The following PCSK7 variants were observed in gnomAD, a reference collection of about 807,000 sequenced individuals.
The protein encoded by PCSK7 is lymphoma proprotein convertase.
A neutral mutation model predicts 73.3 loss-of-function variants in PCSK7; 38 were observed. The observed-to-expected ratio is 0.52, with a 90% CI of 0.40 to 0.68. The LOEUF (loss-of-function observed/expected upper bound fraction) is 0.68. Ranked by LOEUF, PCSK7 falls within the 30% of genes least tolerant of loss-of-function variation. The pLI is 0.00. For synonymous variants in PCSK7, 296 were observed against 383.8 expected (o/e 0.77, Z 2.68); for missense variants, 692 against 991.5 (o/e 0.70, Z 4.06).
At position 117,229,863 on chromosome 11, in the gene PCSK7, A is replaced by G. The variant is rs75255545; in HGVS notation, c.-12-7T>C. ...TCGGCATCAGAGCAGTGGACTGCAGACAAAGAAAAAGGATATGGAAGAGAT... is the reference window on the plus strand; with the variant it reads ...TCGGCATCAGAGCAGTGGACTGCAGGCAAAGAAAAAGGATATGGAAGAGAT... On this transcript the variant is annotated splice_polypyrimidine_tract_variant and splice_region_variant and intron_variant, in intron 2 of 16. Coordinates refer to ENST00000320934, the MANE Select transcript of PCSK7 (RefSeq NM_004716.4). 7.3e-4 allele frequency: 1,059 copies of G among 1,459,582 alleles called. 7 individuals carry two copies. The African/African-American group carries it at 0.013, about 18-fold the overall frequency. The allele number at this position is 1,459,582 out of a possible 1,614,324, so 90.4% of individuals were successfully genotyped here.
Position 117,206,738 on chromosome 11 carries a change from T to TGGGCA in PCSK7, c.1936_1940dup (p.Pro648AlafsTer5). The stretch of plus-strand genomic sequence containing the variant: ...CTTCCTCAGGAATTTTCAGCCCCGG[T>TGGGCA]GGGCAGGGCAGGGCGAAGTCATCGT... On this transcript the variant is annotated frameshift_variant, in exon 16 of 17. Coordinates refer to ENST00000320934, the MANE Select transcript of PCSK7 (RefSeq NM_004716.4). LOFTEE classifies it high-confidence loss of function. 1.4e-6 allele frequency: 1 copy of TGGGCA among 704,284 alleles called. No homozygotes were observed. The highest frequency in any genetic ancestry group is 2.7e-5 in the East Asian group (1 of 36,716). The allele number at this position is 704,284 out of a possible 1,614,324, so 43.6% of individuals were successfully genotyped here. A position where few individuals can be genotyped will look rare whatever the true frequency, so the allele number is the denominator to read the frequency against.
At position 117,230,900 on chromosome 11, in the gene PCSK7, G is replaced by A. The variant is rs573180368; in HGVS notation, c.-132-432C>T. The stretch of plus-strand genomic sequence containing the variant: ...AACAGAACAGGCACCAAGGACAAGC[G>A]GGCAACCAGGAGAGAACGAATGATG... On this transcript the variant is annotated intron_variant, in intron 1 of 16. Transcript: ENST00000320934. Among the ~76,000 whole-genome samples, 6 of 152,148 alleles carry A rather than the reference G, an allele frequency of 3.9e-5. No individual in the cohort carries two copies. The South Asian group carries it at 1.0e-3, about 26-fold the overall frequency.
intron 12 of PCSK7, chr11:117,217,928 T>G (rs1165173741): frequency 6.6e-6 from 1 of 152,342 alleles, no homozygotes; most frequent in Non-Finnish European, 1.5e-5. Context: ...CAATCCTGGT[T>G]CATGCTGGCC....
At chr11:117,221,046 T>G (rs918608335) in intron 9 of PCSK7, 21 of 152,392 alleles carry the variant, frequency 1.4e-4, no homozygotes, top group African/African-American at 5.0e-4. Flanking sequence ...GGGCCCTGCC[T>G]AAATCTGCTC....
Position 117,220,062 on chromosome 11 carries a change from G to C in PCSK7, c.1156-304C>G, listed in dbSNP as rs2032132614. 3 of 216,864 alleles carry C rather than the reference G, an allele frequency of 1.4e-5. No homozygotes were observed. The South Asian group carries it at 5.1e-4, about 37-fold the overall frequency. 13.4% of individuals were successfully genotyped at this position (216,864 alleles called of 1,614,324 possible). A position where few individuals can be genotyped will look rare whatever the true frequency, so the allele number is the denominator to read the frequency against. Reference sequence around the variant, plus strand: ...GGTGGACCCTTCCTTTGTTAGAGCTGAATCTTTGACCAGAGAAGGACCCAA... The same window carrying C: ...GGTGGACCCTTCCTTTGTTAGAGCTCAATCTTTGACCAGAGAAGGACCCAA... On this transcript the variant is annotated intron_variant, in intron 9 of 16. Coordinates refer to ENST00000320934, the MANE Select transcript of PCSK7 (RefSeq NM_004716.4).
At position 117,204,988 on chromosome 11, in the gene PCSK7, G is replaced by C. The variant is rs932363966; in HGVS notation, c.*1009C>G. On this transcript the variant is annotated 3_prime_UTR_variant, in exon 17 of 17. Transcript: ENST00000320934. ...CCATAGAACAGGAGAGTGAATCTTG[G>C]GGACCGAAGGGAAAAAGGAGCCACT... The C allele has an allele frequency of 1.0e-5, 2 of 194,970 alleles. No individual in the cohort carries two copies. Among genetic ancestry groups the C allele is most frequent in the Non-Finnish European group, 2.1e-5 (2 of 93,572 alleles). The allele number at this position is 194,970 out of a possible 1,614,324, so 12.1% of individuals were successfully genotyped here. A position where few individuals can be genotyped will look rare whatever the true frequency, so the allele number is the denominator to read the frequency against.
intron 9 of PCSK7, chr11:117,221,377 A>G (rs567364963): frequency 6.6e-6 from 1 of 152,348 alleles, no homozygotes; most frequent in South Asian, 2.1e-4. Context: ...CCTTGCAGTG[A>G]TAGTCTGAAG....
chr11:117,229,353 T>C (rs2032550651), intron 3 of PCSK7, 24 bp downstream of exon 3: 2 of 1,572,384 alleles, frequency 1.3e-6, no homozygotes, highest in Admixed American at 1.7e-5. Flanking sequence ...CACCTGAAAC[T>C]GCAAACTGCA....
intron 9 of PCSK7, chr11:117,220,413 T>G (rs571002834): frequency 6.6e-6 from 1 of 152,394 alleles, no homozygotes; most frequent in South Asian, 2.1e-4. Context: ...ACACTAATAT[T>G]CTTATTTTTT....
chr11:117,218,941 A>C lies in PCSK7; in HGVS notation c.1431+116T>G, dbSNP rs2032091259. 6 of 633,326 alleles carry C rather than the reference A, an allele frequency of 9.5e-6. No individual in the cohort carries two copies. In the East Asian group the frequency reaches 1.1e-4, roughly 12 times the overall value. 39.2% of individuals were successfully genotyped at this position (633,326 alleles called of 1,614,324 possible). ...GGATGAAGGTTGAAGTTGTTAAATC[A>C]ATGAACTGAATGAACATTTACTAGG... On this transcript the variant is annotated intron_variant, in intron 11 of 16. Coordinates refer to ENST00000320934, the MANE Select transcript of PCSK7 (RefSeq NM_004716.4). The surrounding 1 kb of genome is among the most constrained non-coding windows in gnomAD (Gnocchi z 4.0).
intron 5 of PCSK7, chr11:117,226,324 T>TG (rs1242000863): frequency 2.7e-6 from 1 of 364,390 alleles, no homozygotes; most frequent in Non-Finnish European, 5.3e-6. Context: ...TTAGTAGAGA[T>TG]GGGGTTTCAC....
chr11:117,224,946 G>C, intron 6 of PCSK7, 191 bp from the exon 7 acceptor site: 1 of 590,910 alleles, frequency 1.7e-6, no homozygotes, highest in Non-Finnish European at 3.0e-6. Context: ...GTGGAAAACA[G>C]AAGTGTGCTA....
At chr11:117,210,925 G>C (rs1323062219) in intron 12 of PCSK7, 1 of 152,014 alleles carries the variant, frequency 6.6e-6, no homozygotes, top group Non-Finnish European at 1.5e-5. Context: ...AATAGAGTGA[G>C]AGCCTGTCTC....
At chr11:117,219,322 T>G in intron 10 of PCSK7, 158 bp from the exon 11 acceptor site, 1 of 658,690 alleles carries the variant, frequency 1.5e-6, no homozygotes, top group South Asian at 1.9e-5. Context: ...GGACAAAAGG[T>G]CAAAGCCCAT....
chr11:117,226,229 T>A, intron 5 of PCSK7: 2 of 563,432 alleles, frequency 3.5e-6, no homozygotes, highest in South Asian at 2.1e-5. Flanking sequence ...CTCCACCTCC[T>A]GGGTTCAAGC....
At position 117,226,279 on chromosome 11, in the gene PCSK7, G is replaced by A. The variant is rs181009570; in HGVS notation, c.770-258C>T. ...AGCCTCGAAGTAGCTGGGACTACAG[G>A]CGCATGCCACCACACCCGGCTAATT... is the stretch of plus-strand genomic sequence containing the variant. On this transcript the variant is annotated intron_variant, in intron 5 of 16. Transcript: ENST00000320934. 4,396 of 478,490 alleles carry A rather than the reference G, an allele frequency of 9.2e-3. 25 individuals are homozygous for A. The highest frequency in any genetic ancestry group is 0.013 in the Non-Finnish European group (3,275 of 261,928). 29.6% of individuals were successfully genotyped at this position (478,490 alleles called of 1,614,324 possible). A position where few individuals can be genotyped will look rare whatever the true frequency, so the allele number is the denominator to read the frequency against.
In PCSK7 at chr11:117,204,715, A is replaced by C. The variant is rs2031266122; in HGVS notation, c.*1282T>G. ...AAGCCCATTGAAGAAGAACCAGCCC[A>C]GCCTGCCCCCTATCTTGTCCTGGAA... On this transcript the variant is annotated 3_prime_UTR_variant, in exon 17 of 17. Transcript: ENST00000320934. 2.8e-6 allele frequency: 1 copy of C among 355,342 alleles called. No homozygotes were observed. Among genetic ancestry groups the C allele is most frequent in the Non-Finnish European group, 5.4e-6 (1 of 185,708 alleles). The allele number at this position is 355,342 out of a possible 1,614,324, so 22.0% of individuals were successfully genotyped here.
intron 8 of PCSK7, 85 bp downstream of exon 8, chr11:117,223,989 TAGAC>T: frequency 7.5e-7 from 1 of 1,334,358 alleles, no homozygotes. Context: ...CTCACACATT[TAGAC>T]ACACACAGAA....
chr11:117,204,762 A>C lies in PCSK7; in HGVS notation c.*1235T>G. On this transcript the variant is annotated 3_prime_UTR_variant, in exon 17 of 17. Coordinates refer to ENST00000320934, the MANE Select transcript of PCSK7 (RefSeq NM_004716.4). ...GGAATATTTTTGGGGTTGGAACTCA[A>C]AAAAAAAAAAAAAAAATCAATCTTT... 1 of 183,588 alleles carries C rather than the reference A, an allele frequency of 5.4e-6. No homozygotes were observed. The highest frequency in any genetic ancestry group is 8.2e-5 in the South Asian group (1 of 12,262). 11.4% of individuals were successfully genotyped at this position (183,588 alleles called of 1,614,324 possible).
Sources: allele counts gnomAD v4.1 joint callset (sites outside exome capture counted in the v4.1 genomes callset), GRCh38; gene constraint gnomAD v4.1.1; non-coding constraint Gnocchi (gnomAD v3.1); transcripts MANE v1.5; gene names NCBI Gene and HGNC (gene_info 2026-07-23, HGNC 2026-07-21).